THSD4: variants seen among roughly 807,000 people sequenced by gnomAD.
THSD4 encodes thrombospondin type-1 domain-containing protein 4.
A neutral mutation model predicts 119.0 loss-of-function variants in THSD4; 69 were observed. The ratio of observed to expected loss-of-function variants is 0.58; its 90% CI spans 0.48 to 0.71. The LOEUF (loss-of-function observed/expected upper bound fraction) is 0.71, where lower values mean the gene tolerates loss of function less well. Among genes scored for constraint, THSD4 ranks in the 30% least tolerant of loss-of-function variants. The probability of loss-of-function intolerance (pLI) is 0.00; values close to 1 mark genes in which losing one functional copy is unlikely to be tolerated. For synonymous variants in THSD4, 524 were observed against 540.4 expected, an observed-to-expected ratio of 0.97 and a Z score of 0.42; for missense variants, 1,393 against 1,391.1, an observed-to-expected ratio of 1.00 and a Z score of -0.02.
At chr15:71,697,671 A>G (rs966590012) in intron 8 of THSD4, among the ~76,000 whole-genome samples, 2 of 152,242 alleles carry the variant, frequency 1.3e-5, no homozygotes, top group Non-Finnish European at 2.9e-5. Flanking sequence ...ACCATGTAAA[A>G]CAAAAGAAGA....
At chr15:71,634,794 G>A (rs1055944465) in intron 7 of THSD4, among the ~76,000 whole-genome samples, 9 of 152,186 alleles carry the variant, frequency 5.9e-5, no homozygotes, top group African/African-American at 4.8e-5. Flanking sequence ...TACGCCTTAC[G>A]CATACCTATG....
intron 7 of THSD4, among the ~76,000 whole-genome samples, chr15:71,456,055 G>T (rs2047334828): frequency 6.6e-6 from 1 of 152,182 alleles, no homozygotes; most frequent in South Asian, 2.1e-4. Context: ...TACCTTAACT[G>T]GGATCCCCTC....
intron 7 of THSD4, among the ~76,000 whole-genome samples, chr15:71,561,047 T>C (rs1201265547): frequency 6.7e-6 from 1 of 149,064 alleles, no homozygotes; most frequent in Non-Finnish European, 1.5e-5. Context: ...CAATCTCGGC[T>C]CACTGCAAGC....
At chr15:71,556,578 CA>C (rs910349873) in intron 7 of THSD4, among the ~76,000 whole-genome samples, 2 of 149,974 alleles carry the variant, frequency 1.3e-5, no homozygotes, top group African/African-American at 5.0e-5. Context: ...CCCGTCTCTA[CA>C]AAAAAAATAA....
At chr15:71,726,578 A>G (rs1421122318) in intron 8 of THSD4, among the ~76,000 whole-genome samples, 1 of 152,214 alleles carries the variant, frequency 6.6e-6, no homozygotes, top group African/African-American at 2.4e-5. Flanking sequence ...AAATTTAGGA[A>G]TTCTATAAAC....
At chr15:71,224,099 A>G (rs1253367111) in intron 4 of THSD4, among the ~76,000 whole-genome samples, 1 of 152,178 alleles carries the variant, frequency 6.6e-6, no homozygotes, top group Non-Finnish European at 1.5e-5. Context: ...GTGCTTTGAA[A>G]AGGAAAGATT....
intron 4 of THSD4, among the ~76,000 whole-genome samples, chr15:71,227,174 G>C (rs189182649): frequency 7.9e-5 from 12 of 152,302 alleles, no homozygotes; most frequent in Non-Finnish European, 1.5e-4. Flanking sequence ...CTCAGACAAG[G>C]CTCCGAAGAG....
intron 7 of THSD4, among the ~76,000 whole-genome samples, chr15:71,578,329 T>C (rs2049494714): frequency 6.6e-6 from 1 of 151,944 alleles, no homozygotes; most frequent in Non-Finnish European, 1.5e-5. Flanking sequence ...TCTTAACAGG[T>C]GACTCGAGGT....
At chr15:71,361,329 A>G (rs1255666625) in intron 6 of THSD4, among the ~76,000 whole-genome samples, 1 of 152,240 alleles carries the variant, frequency 6.6e-6, no homozygotes, top group Non-Finnish European at 1.5e-5. Context: ...CTCCCAAAAA[A>G]GGACAGTCAC....
chr15:71,215,660 C>T (rs1406979799), intron 4 of THSD4, among the ~76,000 whole-genome samples: 3 of 152,202 alleles, frequency 2.0e-5, no homozygotes, highest in East Asian at 3.9e-4. Context: ...CTGAGAATGC[C>T]CTTAGGAAGA....
upstream of THSD4, chr15:71,114,928 C>G (rs1485468679): frequency 1.3e-5 from 2 of 152,248 alleles, no homozygotes; most frequent in African/African-American, 4.8e-5. Context: ...TCCTACCTTG[C>G]GTGGGAGTGT....
At position 71,696,461 on chromosome 15, in the gene THSD4, C is replaced by T. The variant is rs1438215060; in HGVS notation, c.1358-32088C>T. On this transcript the variant is annotated intron_variant, in intron 8 of 17. Transcript: ENST00000261862. The stretch of plus-strand genomic sequence containing the variant: ...CCTGAGGGATCCACCCCCAATGACC[C>T]AAACACCTCCCACTAGGCGCCACCT... Among the ~76,000 whole-genome samples, 7 of 152,120 alleles carry T rather than the reference C, an allele frequency of 4.6e-5. No homozygotes were observed. The South Asian group carries it at 1.5e-3, about 32-fold the overall frequency.
At chr15:71,217,578 GCAC>G (rs2043944444) in intron 4 of THSD4, among the ~76,000 whole-genome samples, 1 of 149,830 alleles carries the variant, frequency 6.7e-6, no homozygotes. Flanking sequence ...AGCCGAGATC[GCAC>G]CACTGTACTC....
intron 6 of THSD4, among the ~76,000 whole-genome samples, chr15:71,405,985 C>T (rs1482901230): frequency 6.6e-6 from 1 of 152,142 alleles, no homozygotes; most frequent in Non-Finnish European, 1.5e-5. Flanking sequence ...TAGGGTCTCA[C>T]TATGTTGCCC....
chr15:71,511,761 A>AGT (rs2048286807), intron 7 of THSD4, among the ~76,000 whole-genome samples: 1 of 152,182 alleles, frequency 6.6e-6, no homozygotes, highest in African/African-American at 2.4e-5. Flanking sequence ...TTCAGATGCC[A>AGT]GCGCACCTGG....
chr15:71,347,269 G>A (rs556489342), intron 6 of THSD4, among the ~76,000 whole-genome samples: 37 of 151,986 alleles, frequency 2.4e-4, no homozygotes, highest in African/African-American at 8.0e-4. Context: ...TGTGTACTCC[G>A]TCACCCTGAA....
chr15:71,683,152 A>G (rs2051832011), intron 8 of THSD4, among the ~76,000 whole-genome samples: 2 of 151,460 alleles, frequency 1.3e-5, no homozygotes, highest in South Asian at 4.2e-4. Context: ...GAACTCCTGG[A>G]CTATAGTAAT....
chr15:71,494,803 G>A (rs980424786), intron 7 of THSD4, among the ~76,000 whole-genome samples: 1 of 152,204 alleles, frequency 6.6e-6, no homozygotes, highest in Non-Finnish European at 1.5e-5. Flanking sequence ...CCCAGGGTCA[G>A]GGTTATGTGC....
At chr15:71,599,620 C>G (rs971912232) in intron 7 of THSD4, among the ~76,000 whole-genome samples, 9 of 152,186 alleles carry the variant, frequency 5.9e-5, no homozygotes, top group African/African-American at 1.9e-4. Context: ...TACATGCCAT[C>G]AAGCCCGTGG....
Sources: gnomAD v4.1 joint callset for allele counts (sites outside exome capture counted in the v4.1 genomes callset) on GRCh38, gnomAD v4.1.1 for gene constraint, MANE v1.5 for transcripts, NCBI Gene and HGNC (gene_info 2026-07-23, HGNC 2026-07-21) for gene names.